DLG2: variants seen among roughly 807,000 people sequenced by gnomAD.
The protein encoded by DLG2 is disks large homolog 2.
In DLG2, 45 loss-of-function variants were observed where a neutral mutation model predicts 132.5. The ratio of observed to expected loss-of-function variants is 0.34; its 90% confidence interval spans 0.27 to 0.44. The LOEUF is 0.44. DLG2 is among the 20% of genes least tolerant of loss of function. The probability of loss-of-function intolerance (pLI) is 1.00; values close to 1 mark genes in which losing one functional copy is unlikely to be tolerated. For missense variants in DLG2, 1,045 were observed against 1,196.9 expected (o/e 0.87, Z 1.87); for synonymous variants, 424 against 419.6 (o/e 1.01, Z -0.13).
intron 7 of DLG2, among the ~76,000 whole-genome samples, chr11:84,365,285 C>G (rs1274717505): frequency 6.6e-6 from 1 of 152,096 alleles, no homozygotes; most frequent in Non-Finnish European, 1.5e-5. Context: ...TCTAGATTTT[C>G]TAGTTTATTT....
At chr11:84,105,136 T>C (rs1466492586) in intron 9 of DLG2, among the ~76,000 whole-genome samples, 1 of 152,138 alleles carries the variant, frequency 6.6e-6, no homozygotes, top group African/African-American at 2.4e-5. Context: ...CAAATTTTAG[T>C]TATAAGGAAC....
chr11:85,060,668 C>T (rs1482645786), intron 6 of DLG2, among the ~76,000 whole-genome samples: 1 of 151,680 alleles, frequency 6.6e-6, no homozygotes, highest in Non-Finnish European at 1.5e-5. Context: ...TTAAGATCCA[C>T]ATTTCAAATT....
At chr11:83,819,912 T>C (rs2050272221) in intron 17 of DLG2, among the ~76,000 whole-genome samples, 1 of 151,944 alleles carries the variant, frequency 6.6e-6, no homozygotes, top group Admixed American at 6.6e-5. Flanking sequence ...TTCCTAGTGG[T>C]TTCTTATGTT....
intron 4 of DLG2, among the ~76,000 whole-genome samples, chr11:85,253,936 A>T (rs900772342): frequency 1.3e-5 from 2 of 152,186 alleles, no homozygotes; most frequent in Non-Finnish European, 2.9e-5. Context: ...AAGTCAAGCC[A>T]CTTCTCTCCA....
chr11:83,787,340 T>TTTTTTTTTTTTTTTTTTG (rs66699053), intron 17 of DLG2, among the ~76,000 whole-genome samples: 1 of 102,744 alleles, frequency 9.7e-6, no homozygotes, highest in Non-Finnish European at 1.8e-5. Context: ...TTTTTTTTTT[T>TTTTTTTTTTTTTTTTTTG]AGACAGAGTC....
intron 3 of DLG2, among the ~76,000 whole-genome samples, chr11:85,540,109 G>A (rs576633640): frequency 6.6e-6 from 1 of 152,214 alleles, no homozygotes; most frequent in East Asian, 1.9e-4. Flanking sequence ...AAAGCGGCAG[G>A]GGGGTGGTGC....
chr11:84,474,475 C>A (rs1379636597), intron 7 of DLG2, among the ~76,000 whole-genome samples: 2 of 152,110 alleles, frequency 1.3e-5, no homozygotes, highest in East Asian at 1.9e-4. Context: ...TAAGAGGCCC[C>A]AGGGCTGTTT....
intron 11 of DLG2, among the ~76,000 whole-genome samples, chr11:84,038,846 G>A (rs1351291730): frequency 6.6e-6 from 1 of 151,982 alleles, no homozygotes. Flanking sequence ...TTCACATGAT[G>A]TTAGGAATGA....
rs547183088 is a variant in DLG2, at chr11:83,805,234, T to C, written c.1723-18442A>G. On this transcript the variant is annotated intron_variant, in intron 17 of 27. Transcript: ENST00000376104. ...ACTTTAACCCCTAATTGTTTTAGCA[T>C]CTATGGATTATGCTTTCTTGAAATA... is the stretch of plus-strand genomic sequence containing the variant. Among the ~76,000 whole-genome samples, 4 of 152,252 alleles carry C rather than the reference T, an allele frequency of 2.6e-5. No individual in the cohort carries two copies. In the South Asian group the frequency reaches 8.3e-4, roughly 31 times the overall value.
chr11:85,514,751 CCTTT>C (rs976927694), intron 3 of DLG2, among the ~76,000 whole-genome samples: 15 of 151,842 alleles, frequency 9.9e-5, no homozygotes, highest in Non-Finnish European at 2.2e-4. Flanking sequence ...CTGTTGCTTA[CCTTT>C]CTTTTCATAC....
At chr11:84,510,672 T>C (rs1193822563) in intron 7 of DLG2, among the ~76,000 whole-genome samples, 1 of 152,174 alleles carries the variant, frequency 6.6e-6, no homozygotes, top group Admixed American at 6.5e-5. Context: ...TGCTAATTGG[T>C]TGTGTTATTT....
intron 9 of DLG2, among the ~76,000 whole-genome samples, chr11:84,162,462 AT>A (rs2095568431): frequency 6.6e-6 from 1 of 151,934 alleles, no homozygotes; most frequent in Non-Finnish European, 1.5e-5. Flanking sequence ...ATTTCAGTAT[AT>A]TTTAATATAA....
At chr11:84,652,931 G>A (rs1009936782) in intron 6 of DLG2, among the ~76,000 whole-genome samples, 3 of 149,296 alleles carry the variant, frequency 2.0e-5, no homozygotes, top group African/African-American at 7.4e-5. Context: ...CAATATTGGA[G>A]GTTTTTTTTT....
intron 3 of DLG2, among the ~76,000 whole-genome samples, chr11:85,474,151 G>C (rs1237927771): frequency 2.0e-5 from 3 of 151,834 alleles, no homozygotes; most frequent in Non-Finnish European, 4.4e-5. Flanking sequence ...AACCAAAATA[G>C]TTAAATTGTT....
intron 6 of DLG2, among the ~76,000 whole-genome samples, chr11:84,892,940 C>G (rs181037270): frequency 6.6e-6 from 1 of 151,896 alleles, no homozygotes; most frequent in African/African-American, 2.4e-5. Flanking sequence ...TTTCCACAGC[C>G]CCCCAAGAAC....
intron 9 of DLG2, among the ~76,000 whole-genome samples, chr11:84,154,582 T>A (rs1200832381): frequency 6.6e-6 from 1 of 152,174 alleles, no homozygotes; most frequent in Admixed American, 6.5e-5. Context: ...ATGTGCTGTG[T>A]TGGTGTGCTG....
chr11:83,460,045 C>T (rs1271682915), intron 27 of DLG2, 121 bp from the exon 28 acceptor site: 1 of 564,248 alleles, frequency 1.8e-6, no homozygotes, highest in East Asian at 2.8e-5. Context: ...AGCTTCATAT[C>T]ATTTTTCATT....
intron 6 of DLG2, among the ~76,000 whole-genome samples, chr11:84,629,733 G>A (rs1044214384): frequency 2.0e-5 from 3 of 152,168 alleles, no homozygotes; most frequent in South Asian, 2.1e-4. Context: ...AAAAGCTCAG[G>A]CAAGGGGATA....
chr11:85,105,632 G>T (rs1594256529), intron 6 of DLG2, among the ~76,000 whole-genome samples: 1 of 151,872 alleles, frequency 6.6e-6, no homozygotes, highest in Non-Finnish European at 1.5e-5. Context: ...GGTCCTGTAC[G>T]CTGCAATTTT....
Sources: allele counts gnomAD v4.1 joint callset (sites outside exome capture counted in the v4.1 genomes callset), GRCh38; gene constraint gnomAD v4.1.1; transcripts MANE v1.5; gene names NCBI Gene and HGNC (gene_info 2026-07-23, HGNC 2026-07-21).